The following APH1B variants were observed in gnomAD, a reference collection of about 807,000 sequenced individuals.
The protein encoded by APH1B is gamma-secretase subunit APH-1B.
In APH1B, 27 loss-of-function variants were observed where a neutral mutation model predicts 28.2. That is an observed-to-expected ratio of 0.96 (90% confidence interval 0.70 to 1.32). The LOEUF (loss-of-function observed/expected upper bound fraction) is 1.32. APH1B is among the 40% of genes most tolerant of loss of function. The probability of loss-of-function intolerance (pLI) is 0.00; values close to 1 mark genes in which losing one functional copy is unlikely to be tolerated. For synonymous variants in APH1B, 141 were observed against 124.6 expected, an observed-to-expected ratio of 1.13 and a Z score of -0.88; for missense variants, 305 against 313.6, an observed-to-expected ratio of 0.97 and a Z score of 0.21.
At position 63,305,939 on chromosome 15, in the gene APH1B, C is replaced by T. The variant is rs201197544; in HGVS notation, c.*158C>T. ...ACTTGGCTTTCACACAACTGCTCTC[C>T]GAAAGGGGTGCTCAGTGGTGTGCGT... On this transcript the variant is annotated 3_prime_UTR_variant, in exon 6 of 6. Coordinates refer to ENST00000261879, the MANE Select transcript of APH1B (RefSeq NM_031301.4). 2.0e-5 allele frequency: 19 copies of T among 964,552 alleles called. 1 individual carries two copies. In the Admixed American group the frequency reaches 3.6e-4, roughly 18 times the overall value. The allele number at this position is 964,552 out of a possible 1,614,324, so 59.7% of individuals were successfully genotyped here.
At chr15:63,296,740 C>G (rs2038572406) in intron 4 of APH1B, among the ~76,000 whole-genome samples, 1 of 151,746 alleles carries the variant, frequency 6.6e-6, no homozygotes, top group Non-Finnish European at 1.5e-5. Context: ...TCACTGCAAC[C>G]TCTGCCTCCT....
chr15:63,297,482 A>T (rs1484834131), intron 4 of APH1B, among the ~76,000 whole-genome samples: 1 of 152,172 alleles, frequency 6.6e-6, no homozygotes, highest in East Asian at 1.9e-4. Flanking sequence ...GTGAGCCATG[A>T]TCGCACCATT....
At chr15:63,295,290 A>G (rs2038553211) in intron 4 of APH1B, among the ~76,000 whole-genome samples, 1 of 152,230 alleles carries the variant, frequency 6.6e-6, no homozygotes, top group Admixed American at 6.5e-5. Context: ...GAGAACCTGT[A>G]TCCATTGCCC....
chr15:63,277,747 C>G lies in APH1B; in HGVS notation c.113+11C>G. The stretch of plus-strand genomic sequence containing the variant: ...CTTCCTCATCGCCGGGTGAGGCGGT[C>G]GCGTCGGGAAACCCGGACGCCGGGG... On this transcript the variant is annotated intron_variant, in intron 1 of 5. Transcript: ENST00000261879. The G allele has an allele frequency of 6.2e-7, 1 of 1,606,676 alleles. No homozygotes were observed. The highest frequency in any genetic ancestry group is 8.5e-7 in the Non-Finnish European group (1 of 1,176,296).
chr15:63,297,392 G>T (rs2038579135), intron 4 of APH1B, among the ~76,000 whole-genome samples: 1 of 152,084 alleles, frequency 6.6e-6, no homozygotes, highest in Non-Finnish European at 1.5e-5. Flanking sequence ...AGTCGGGCCT[G>T]GTGGTGCACA....
At chr15:63,297,089 T>TGTATATCTA (rs1199714968) in intron 4 of APH1B, among the ~76,000 whole-genome samples, 1 of 152,252 alleles carries the variant, frequency 6.6e-6, no homozygotes, top group Non-Finnish European at 1.5e-5. Context: ...CAAACTGATA[T>TGTATATCTA]ACAGTACTTG....
At chr15:63,288,337 A>T (rs1455207975) in intron 4 of APH1B, among the ~76,000 whole-genome samples, 1 of 152,108 alleles carries the variant, frequency 6.6e-6, no homozygotes, top group East Asian at 1.9e-4. Context: ...GTAATAATGG[A>T]AAAGATATAA....
chr15:63,305,636 G>T lies in APH1B; in HGVS notation c.629G>T (p.Gly210Val), dbSNP rs1334017181. Residue 210 changes from glycine (G) to valine (V), a missense_variant, in exon 6 of 6, where the codon GGA becomes GTA. By Grantham distance (109) the Gly-to-Val change is moderately radical. Transcript: ENST00000261879. ...CAGACCTTCATAAGTTCTTATTATG[G>T]AATAAACCTGGCGTCAGCATTTATA... ...SAQTFISSYY[G>V]INLASAFIIL... is the part of the protein sequence containing the mutation. The T allele has an allele frequency of 1.9e-6, 3 of 1,613,958 alleles. No individual in the cohort carries two copies. The highest frequency in any genetic ancestry group is 2.5e-6 in the Non-Finnish European group (3 of 1,180,026).
At chr15:63,278,988 T>G (rs1283412047) in intron 1 of APH1B, among the ~76,000 whole-genome samples, 173 bp from the exon 2 acceptor site, 1 of 152,174 alleles carries the variant, frequency 6.6e-6, no homozygotes, top group Non-Finnish European at 1.5e-5. Flanking sequence ...CCAAGGAAAA[T>G]GCACCGTTAA....
rs572003366 is a variant in APH1B at position 63,285,721 on chromosome 15, C to G, written c.285-837C>G. ...TCCTGGATGCAAGTGATCCTCCTGC[C>G]TTGGCCTCCCAAAGTGCTGAGCCAC... On this transcript the variant is annotated intron_variant, in intron 2 of 5. Transcript: ENST00000261879. 4.6e-5 allele frequency among the ~76,000 whole-genome samples: 7 copies of G among 152,338 alleles called. No homozygotes were observed. In the East Asian group the frequency reaches 1.3e-3, roughly 29 times the overall value.
In APH1B at chr15:63,308,167, T is replaced by C. The variant is rs1404561840; in HGVS notation, c.*2386T>C. 1.3e-5 allele frequency: 2 copies of C among 152,212 alleles called. No homozygotes were observed. Among genetic ancestry groups the C allele is most frequent in the South Asian group, 2.1e-4 (1 of 4,828 alleles). The allele number at this position is 152,212 out of a possible 1,614,324, so 9.4% of individuals were successfully genotyped here. ...TATTATGTGAGACAAACAGGAGTTA[T>C]TGATGTTATACACTCCCTTCCATTC... On this transcript the variant is annotated 3_prime_UTR_variant, in exon 6 of 6. Coordinates refer to ENST00000261879, the MANE Select transcript of APH1B (RefSeq NM_031301.4).
Position 63,306,002 on chromosome 15 carries a change from C to CT in APH1B, c.*221_*222insT. On this transcript the variant is annotated 3_prime_UTR_variant, in exon 6 of 6. Coordinates refer to ENST00000261879, the MANE Select transcript of APH1B (RefSeq NM_031301.4). The stretch of plus-strand genomic sequence containing the variant: ...AGAATCACCTGGGACAGTGTAAAGC[C>CT]GACTGATTCTGGGCTCCACCTTCCA... The CT allele has an allele frequency of 1.9e-6, 1 of 533,296 alleles. No homozygotes were observed. Among genetic ancestry groups the CT allele is most frequent in the South Asian group, 2.3e-5 (1 of 43,060 alleles). The allele number at this position is 533,296 out of a possible 1,614,324, so 33.0% of individuals were successfully genotyped here. A position where few individuals can be genotyped will look rare whatever the true frequency, so the allele number is the denominator to read the frequency against.
chr15:63,300,812 C>T (rs538072928), intron 4 of APH1B, among the ~76,000 whole-genome samples: 11 of 152,264 alleles, frequency 7.2e-5, no homozygotes, highest in Non-Finnish European at 7.4e-5. Context: ...TGAAATAATA[C>T]GCATTTTTTC....
chr15:63,301,273 G>A (rs1223422260), intron 4 of APH1B, among the ~76,000 whole-genome samples: 1 of 152,236 alleles, frequency 6.6e-6, no homozygotes, highest in African/African-American at 2.4e-5. Context: ...ATGCTAGACT[G>A]TTTTCCTATC....
intron 4 of APH1B, among the ~76,000 whole-genome samples, chr15:63,289,112 A>G (rs541091344): frequency 2.0e-5 from 3 of 152,336 alleles, no homozygotes; most frequent in South Asian, 2.1e-4. Flanking sequence ...GAAAAATTCA[A>G]TATTCAGTAA....
At chr15:63,285,998 G>T (rs1318844076) in intron 2 of APH1B, among the ~76,000 whole-genome samples, 2 of 152,216 alleles carry the variant, frequency 1.3e-5, no homozygotes, top group Non-Finnish European at 2.9e-5. Flanking sequence ...AATAAGGAGA[G>T]ATTAGTGATT....
At chr15:63,290,073 A>G (rs2038489897) in intron 4 of APH1B, among the ~76,000 whole-genome samples, 1 of 152,116 alleles carries the variant, frequency 6.6e-6, no homozygotes, top group Admixed American at 6.5e-5. Context: ...TTTTATATAT[A>G]TAGATGCACA....
intron 4 of APH1B, among the ~76,000 whole-genome samples, chr15:63,291,234 T>A (rs1346281084): frequency 2.0e-5 from 3 of 152,194 alleles, no homozygotes. Context: ...AGAGAGAAGA[T>A]AATTTTTCTA....
intron 5 of APH1B, among the ~76,000 whole-genome samples, chr15:63,305,247 A>G (rs753640189): frequency 1.3e-5 from 2 of 152,240 alleles, no homozygotes; most frequent in Admixed American, 6.5e-5. Flanking sequence ...CTTGAGTACT[A>G]AGGATTCATA....
Sources: gnomAD v4.1 joint callset for allele counts (sites outside exome capture counted in the v4.1 genomes callset) on GRCh38, gnomAD v4.1.1 for gene constraint, MANE v1.5 for transcripts, NCBI Gene and HGNC (gene_info 2026-07-23, HGNC 2026-07-21) for gene names.